Variants in JAK2 observed in about 807,000 individuals in gnomAD.
JAK2 encodes the protein tyrosine-protein kinase JAK2.
JAK2 carries 86 observed loss-of-function variants against 139.3 expected under a neutral mutation model. The observed-to-expected ratio is 0.62, with a 90% CI of 0.52 to 0.74. The LOEUF is 0.74. Ranked by LOEUF, JAK2 falls within the 30% of genes least tolerant of loss-of-function variation. The pLI, the probability that JAK2 is intolerant of heterozygous loss-of-function variation, is 0.00. For synonymous variants in JAK2, 490 were observed against 437.7 expected, an observed-to-expected ratio of 1.12 and a Z score of -1.49; for missense variants, 1,421 against 1,360.3, an observed-to-expected ratio of 1.04 and a Z score of -0.70.
chr9:5,126,564 G>C lies in JAK2; in HGVS notation c.3291+118G>C, dbSNP rs191396609. ...AGCTTCCAGATAAACAGCATAATCA[G>C]ATGACTGTGGAACAAGGCATGGTTA... On this transcript the variant is annotated intron_variant, in intron 24 of 24. Transcript: ENST00000381652. 10 of 923,166 alleles carry C rather than the reference G, an allele frequency of 1.1e-5. No homozygotes were observed. In the Admixed American group the frequency reaches 2.3e-4, roughly 21 times the overall value. The allele number at this position is 923,166 out of a possible 1,614,324, so 57.2% of individuals were successfully genotyped here.
intron 8 of JAK2, among the ~76,000 whole-genome samples, chr9:5,059,212 A>T (rs953517689): frequency 2.6e-5 from 4 of 152,300 alleles, no homozygotes; most frequent in Middle Eastern, 3.4e-3. Flanking sequence ...AGGTTTCCAC[A>T]TGCATCTTCC....
At chr9:5,086,173 C>T (rs960890824) in intron 19 of JAK2, 16 of 416,228 alleles carry the variant, frequency 3.8e-5, no homozygotes, top group Middle Eastern at 1.9e-3. Flanking sequence ...TCCACGCCGC[C>T]GGTCTCCAGC....
intron 4 of JAK2, chr9:5,041,544 T>C: frequency 1.9e-6 from 1 of 532,774 alleles, no homozygotes; most frequent in East Asian, 5.2e-5. Context: ...CTGCGAGAAC[T>C]TCCCAGAGGA....
At position 5,029,883 on chromosome 9, in the gene JAK2, G is replaced by A. The variant is rs1340895086; in HGVS notation, c.327G>A (p.Arg109=). 4 of 1,611,634 alleles carry A rather than the reference G, an allele frequency of 2.5e-6. No individual in the cohort carries two copies. Among genetic ancestry groups the A allele is most frequent in the East Asian group, 2.2e-5 (1 of 44,722 alleles). Residue 109 remains arginine, a synonymous_variant, in exon 4 of 25, where the codon AGG becomes AGA. Transcript: ENST00000381652. ...NHVFHIDEST[R]HNVLYRIRFY... is the part of the protein sequence containing the mutation. ...TCTTCCATATAGATGAGTCAACCAG[G>A]CATAATGTACTCTACAGAATAAGGT...
intron 4 of JAK2, among the ~76,000 whole-genome samples, chr9:5,030,983 T>A (rs1230877567): frequency 6.6e-6 from 1 of 152,180 alleles, no homozygotes; most frequent in Non-Finnish European, 1.5e-5. Context: ...AAGAAGATCC[T>A]ATGCAGTGTA....
At chr9:5,029,962 T>C (rs201709745) in intron 4 of JAK2, 56 bp downstream of exon 4, 15 of 1,482,508 alleles carry the variant, frequency 1.0e-5, no homozygotes, top group Middle Eastern at 1.8e-4. Context: ...TGGGAGAAAT[T>C]ATCAAATATT....
intron 22 of JAK2, among the ~76,000 whole-genome samples, chr9:5,091,963 G>A: frequency 6.6e-6 from 1 of 152,210 alleles, no homozygotes; most frequent in East Asian, 1.9e-4. Context: ...GGATAATACT[G>A]TTAGTGATGA....
chr9:5,113,701 C>T (rs1191121638), intron 22 of JAK2: 10 of 165,896 alleles, frequency 6.0e-5, no homozygotes, highest in Admixed American at 6.5e-5. Context: ...TCAACAGGAG[C>T]GCTGGGACCT....
At chr9:5,072,651 A>G (rs1313406231) in intron 13 of JAK2, 25 bp downstream of exon 13, 1 of 1,538,012 alleles carries the variant, frequency 6.5e-7, no homozygotes, top group Non-Finnish European at 8.8e-7. Flanking sequence ...TATATTGTTC[A>G]TGTAGTTTAT....
At chr9:5,067,886 G>T (rs778196628) in intron 10 of JAK2, among the ~76,000 whole-genome samples, 22 of 152,128 alleles carry the variant, frequency 1.4e-4, no homozygotes, top group Non-Finnish European at 2.6e-4. Context: ...AGGTGTGGTG[G>T]CTCACACCTG....
intron 19 of JAK2, chr9:5,085,546 A>G: frequency 1.4e-6 from 1 of 705,554 alleles, no homozygotes; most frequent in East Asian, 2.6e-5. Flanking sequence ...AACTCGGGTT[A>G]AAATAGATAT....
chr9:5,090,183 G>A (rs867570951), intron 20 of JAK2, among the ~76,000 whole-genome samples: 1 of 152,172 alleles, frequency 6.6e-6, no homozygotes, highest in Non-Finnish European at 1.5e-5. Context: ...GAGGAGAAAG[G>A]AAGTTTTCTC....
At chr9:4,998,724 C>G (rs2129808974) in intron 2 of JAK2, among the ~76,000 whole-genome samples, 1 of 147,228 alleles carries the variant, frequency 6.8e-6, no homozygotes, top group South Asian at 2.2e-4. Flanking sequence ...TCTCCTAAGA[C>G]CAAAAACCAC....
intron 2 of JAK2, among the ~76,000 whole-genome samples, chr9:5,019,855 G>A (rs1264694767): frequency 6.6e-6 from 1 of 152,204 alleles, no homozygotes; most frequent in Non-Finnish European, 1.5e-5. Flanking sequence ...GTGTGGTTGT[G>A]GAGGCTGTGG....
At chr9:5,124,805 A>G (rs1433097475) in intron 23 of JAK2, among the ~76,000 whole-genome samples, 2 of 151,554 alleles carry the variant, frequency 1.3e-5, no homozygotes, top group Non-Finnish European at 3.0e-5. Flanking sequence ...ACATACATTC[A>G]AGTTTTTTTT....
At chr9:5,064,569 T>C (rs1050404342) in intron 8 of JAK2, among the ~76,000 whole-genome samples, 2 of 151,634 alleles carry the variant, frequency 1.3e-5, no homozygotes, top group Non-Finnish European at 2.9e-5. Flanking sequence ...TGATTTCTAA[T>C]GTCAACTTTT....
intron 2 of JAK2, among the ~76,000 whole-genome samples, chr9:5,021,742 C>T (rs532326000): frequency 6.6e-6 from 1 of 152,272 alleles, no homozygotes; most frequent in Non-Finnish European, 1.5e-5. Context: ...TCTTCCGCTC[C>T]ACTCCCAGAG....
In JAK2 at chr9:5,064,936, T is replaced by C. The variant is rs1818463093; in HGVS notation, c.1110T>C (p.Asp370=). ...CTTTGTCTTTCGTGTCATTAATTGATGGATATTATAGATTAACTGCAGATG... is the reference window on the plus strand; with the variant it reads ...CTTTGTCTTTCGTGTCATTAATTGACGGATATTATAGATTAACTGCAGATG... The part of the protein sequence containing the change: ...REALSFVSLI[D]GYYRLTADAH... The change falls in exon 9 of 25, where the codon GAT becomes GAC. Residue 370 remains aspartate, a synonymous_variant. Transcript: ENST00000381652. 1.9e-6 allele frequency: 3 copies of C among 1,600,520 alleles called. No homozygotes were observed. The highest frequency in any genetic ancestry group is 2.6e-6 in the Non-Finnish European group (3 of 1,172,570).
At chr9:4,999,746 G>A (rs779842347) in intron 2 of JAK2, among the ~76,000 whole-genome samples, 22 of 152,156 alleles carry the variant, frequency 1.4e-4, no homozygotes, top group Non-Finnish European at 2.4e-4. Flanking sequence ...CCCGTGCCTG[G>A]TGTACATCAT....
Sources: allele counts gnomAD v4.1 joint callset (sites outside exome capture counted in the v4.1 genomes callset), GRCh38; gene constraint gnomAD v4.1.1; transcripts MANE v1.5; gene names NCBI Gene and HGNC (gene_info 2026-07-23, HGNC 2026-07-21).